DCLK1: variants seen among roughly 807,000 people sequenced by gnomAD.
DCLK1 encodes serine/threonine-protein kinase DCLK1.
DCLK1 carries 16 observed loss-of-function variants against 86.2 expected under a neutral mutation model. That is an observed-to-expected ratio of 0.19 (90% CI 0.13 to 0.28). The LOEUF (loss-of-function observed/expected upper bound fraction) is 0.28. Among genes scored for constraint, DCLK1 ranks in the 10% least tolerant of loss-of-function variants. The probability of loss-of-function intolerance (pLI) is 1.00; values close to 1 mark genes in which losing one functional copy is unlikely to be tolerated. For synonymous variants in DCLK1, 369 were observed against 370.5 expected, an observed-to-expected ratio of 1.00 and a Z score of 0.05; for missense variants, 590 against 940.2, an observed-to-expected ratio of 0.63 and a Z score of 4.87.
At chr13:35,941,154 A>C in intron 4 of DCLK1, among the ~76,000 whole-genome samples, 1 of 152,168 alleles carries the variant, frequency 6.6e-6, no homozygotes, top group East Asian at 1.9e-4. Flanking sequence ...TACTGTTCCT[A>C]CTATTCCATT....
chr13:36,026,799 C>T (rs1882051044), intron 3 of DCLK1, among the ~76,000 whole-genome samples: 1 of 152,104 alleles, frequency 6.6e-6, no homozygotes, highest in Non-Finnish European at 1.5e-5. Flanking sequence ...CACTCTTAGT[C>T]AACAGCTTCT....
intron 4 of DCLK1, among the ~76,000 whole-genome samples, chr13:35,933,430 C>T (rs1876569014): frequency 6.6e-6 from 1 of 152,218 alleles, no homozygotes. Context: ...TTCTGCATTG[C>T]CCTAGCAGAG....
At chr13:35,962,369 G>T (rs1878506803) in intron 3 of DCLK1, among the ~76,000 whole-genome samples, 1 of 152,152 alleles carries the variant, frequency 6.6e-6, no homozygotes, top group Non-Finnish European at 1.5e-5. Flanking sequence ...GAATATAAAG[G>T]CAGAGGTTGG....
At chr13:35,886,967 T>C (rs1045114453) in intron 4 of DCLK1, among the ~76,000 whole-genome samples, 1 of 152,224 alleles carries the variant, frequency 6.6e-6, no homozygotes, top group African/African-American at 2.4e-5. Context: ...CACTCCTCTT[T>C]CAGTCATTCT....
intron 2 of DCLK1, among the ~76,000 whole-genome samples, chr13:36,116,885 G>A (rs1885810681): frequency 6.6e-6 from 1 of 152,152 alleles, no homozygotes. Flanking sequence ...ATATCGTAAA[G>A]TACCTTCTGG....
intron 7 of DCLK1, 136 bp from the exon 8 acceptor site, chr13:35,836,277 C>T: frequency 2.9e-6 from 2 of 699,492 alleles, no homozygotes; most frequent in Non-Finnish European, 4.7e-6. Context: ...AGTGAGGCAA[C>T]TGCCTCCCCA....
At chr13:36,003,159 G>A (rs1880793372) in intron 3 of DCLK1, among the ~76,000 whole-genome samples, 2 of 152,232 alleles carry the variant, frequency 1.3e-5, no homozygotes, top group African/African-American at 4.8e-5. Context: ...TCAATCTCAT[G>A]TGATTTTGGT....
intron 4 of DCLK1, among the ~76,000 whole-genome samples, chr13:35,876,480 CA>C (rs1439629563): frequency 6.6e-6 from 1 of 152,120 alleles, no homozygotes; most frequent in Non-Finnish European, 1.5e-5. Flanking sequence ...ACCATCTTTC[CA>C]AATAAAGTTT....
chr13:36,108,941 G>C (rs1004276022), intron 3 of DCLK1, among the ~76,000 whole-genome samples: 1 of 152,194 alleles, frequency 6.6e-6, no homozygotes, highest in Non-Finnish European at 1.5e-5. Context: ...CCACAGGACA[G>C]CGTGGAGGAA....
At chr13:35,881,044 T>C (rs1872865396) in intron 4 of DCLK1, among the ~76,000 whole-genome samples, 1 of 152,162 alleles carries the variant, frequency 6.6e-6, no homozygotes, top group South Asian at 2.1e-4. Context: ...AGATGAACAA[T>C]GGCCAGACCA....
At chr13:35,992,270 T>C (rs1463130708) in intron 3 of DCLK1, among the ~76,000 whole-genome samples, 1 of 152,136 alleles carries the variant, frequency 6.6e-6, no homozygotes, top group African/African-American at 2.4e-5. Flanking sequence ...CCCTCGGATG[T>C]GGGAAAACAT....
At chr13:35,877,177 A>T (rs1298798079) in intron 4 of DCLK1, among the ~76,000 whole-genome samples, 1 of 152,248 alleles carries the variant, frequency 6.6e-6, no homozygotes, top group Non-Finnish European at 1.5e-5. Context: ...ACCTTCACCC[A>T]GGACATGAAC....
At chr13:35,831,055 T>C (rs1388449919) in intron 8 of DCLK1, among the ~76,000 whole-genome samples, 1 of 152,166 alleles carries the variant, frequency 6.6e-6, no homozygotes, top group Non-Finnish European at 1.5e-5. Context: ...GGAAGCAGGT[T>C]CTGTCCTGAG....
At chr13:36,123,910 G>C (rs1886075886) in intron 2 of DCLK1, among the ~76,000 whole-genome samples, 1 of 152,224 alleles carries the variant, frequency 6.6e-6, no homozygotes, top group African/African-American at 2.4e-5. Context: ...TGTGAAGGGA[G>C]TACTGTCATC....
intron 16 of DCLK1, among the ~76,000 whole-genome samples, chr13:35,784,356 C>T (rs1400030188): frequency 1.3e-5 from 2 of 152,202 alleles, no homozygotes; most frequent in East Asian, 3.9e-4. Context: ...TTGGAATCCT[C>T]TCTTAAGGGG....
intron 3 of DCLK1, among the ~76,000 whole-genome samples, chr13:35,976,727 G>A (rs1041587868): frequency 6.6e-6 from 1 of 151,450 alleles, no homozygotes; most frequent in African/African-American, 2.4e-5. Context: ...GTAGAGACGG[G>A]GTTTCACCGT....
rs1869358022 is a variant in DCLK1 at position 35,836,126 on chromosome 13, C to G, written c.1136G>C (p.Gly379Ala). 1 of 1,612,066 alleles carries G rather than the reference C, an allele frequency of 6.2e-7. No homozygotes were observed. Among genetic ancestry groups the G allele is most frequent in the Non-Finnish European group, 8.5e-7 (1 of 1,179,530 alleles). The change falls in exon 8 of 17, where the codon GGC (glycine) becomes GCC (alanine). Residue 379 changes from glycine (G) to alanine (A), a missense_variant. Gly to Ala is a moderately conservative substitution (Grantham distance 60). This residue lies in a region of DCLK1 where 108 missense variants were observed against 195.7 expected (regional missense o/e 0.55). Coordinates refer to ENST00000360631, the MANE Select transcript of DCLK1 (RefSeq NM_001330071.2). ...DGPGEEVSEEGFQIPATITER... is the reference protein window; with the variant it reads ...DGPGEEVSEEAFQIPATITER... Reference sequence around the variant, plus strand: ...TGTTATTGTAGCTGGAATCTGGAAGCCTTCCTCCGACACTTCTGAAAGAAT... The same window carrying G: ...TGTTATTGTAGCTGGAATCTGGAAGGCTTCCTCCGACACTTCTGAAAGAAT...
At chr13:36,078,923 G>A (rs1470025228) in intron 3 of DCLK1, among the ~76,000 whole-genome samples, 2 of 152,154 alleles carry the variant, frequency 1.3e-5, no homozygotes, top group Non-Finnish European at 1.5e-5. Flanking sequence ...TGCACCGAGG[G>A]AAGGTTGTAT....
rs1566524545 is a variant in DCLK1 at position 35,774,506 on chromosome 13, A to C, written c.*29T>G. The C allele has an allele frequency of 1.3e-6, 2 of 1,550,658 alleles. No homozygotes were observed. Among genetic ancestry groups the C allele is most frequent in the Non-Finnish European group, 1.7e-6 (2 of 1,146,500 alleles). The stretch of plus-strand genomic sequence containing the variant: ...AAAAATCTCAGAGTCTCAAAGGGTT[A>C]AGCTAGGACTTTGAGTAAAAGGGTC... On this transcript the variant is annotated 3_prime_UTR_variant, in exon 17 of 17. Transcript: ENST00000360631.
Sources: gnomAD v4.1 joint callset for allele counts (sites outside exome capture counted in the v4.1 genomes callset) on GRCh38, gnomAD v4.1.1 for gene constraint, gnomAD v4.1.1 regional missense constraint, MANE v1.5 for transcripts, NCBI Gene and HGNC (gene_info 2026-07-23, HGNC 2026-07-21) for gene names.